PCDH11X: variants seen among roughly 807,000 people sequenced by gnomAD.
PCDH11X encodes protocadherin 11 X-linked, also known as protocadherin-11 X-linked.
A neutral mutation model predicts 53.3 loss-of-function variants in PCDH11X; 18 were observed. The observed-to-expected ratio is 0.34, with a 90% CI of 0.23 to 0.50. The LOEUF (loss-of-function observed/expected upper bound fraction) is 0.50, where lower values mean the gene tolerates loss of function less well. Ranked by LOEUF, PCDH11X falls within the 20% of genes least tolerant of loss-of-function variation. PCDH11X has a pLI of 0.98. For missense variants in PCDH11X, 570 were observed against 1,032.4 expected, an observed-to-expected ratio of 0.55 and a Z score of 6.14; for synonymous variants, 279 against 393.3, an observed-to-expected ratio of 0.71 and a Z score of 3.44.
intron 6 of PCDH11X, among the ~76,000 whole-genome samples, chrX:92,156,632 A>G (rs2065541138): frequency 8.9e-6 from 1 of 112,161 alleles, no homozygotes; most frequent in Non-Finnish European, 1.9e-5. Context: ...AGTAGAATGT[A>G]TGGCCTAGAA....
chrX:92,558,368 G>GCTCC (rs1451617137), intron 10 of PCDH11X, among the ~76,000 whole-genome samples: 2 of 111,498 alleles, frequency 1.8e-5, no homozygotes, highest in Non-Finnish European at 3.8e-5. Flanking sequence ...AAAGGCACAT[G>GCTCC]CTCATAGAAG....
chrX:91,986,298 G>T lies in PCDH11X; in HGVS notation c.3033+107025G>T, dbSNP rs905798105. ...AGTTTAGAGAAATAAAGTTAATAAA[G>T]ATTTAATTGAATTATAAATGTGCTA... is the stretch of plus-strand genomic sequence containing the variant. On this transcript the variant is annotated intron_variant, in intron 6 of 10. Coordinates refer to ENST00000682573, the MANE Select transcript of PCDH11X (RefSeq NM_032968.5). Among the ~76,000 whole-genome samples the T allele has an allele frequency of 3.6e-5, 4 of 111,617 alleles. No individual in the cohort carries two copies. In the Admixed American group the frequency reaches 3.8e-4, roughly 11 times the overall value.
chrX:92,576,011 T>TATATAC lies in PCDH11X; in HGVS notation c.3368-42252_3368-42251insTATACA, dbSNP rs1376237034. Among the ~76,000 whole-genome samples, 53 of 28,073 alleles carry TATATAC rather than the reference T, an allele frequency of 1.9e-3. 1 individual carries two copies. Among genetic ancestry groups the TATATAC allele is most frequent in the African/African-American group, 4.4e-3 (26 of 5,901 alleles). 24.4% of individuals were successfully genotyped at this position (28,073 alleles called of 115,157 possible). ...ATATATATATATATATATATATATA[T>TATATAC]ACACACACACACACACACACACACA... On this transcript the variant is annotated intron_variant, in intron 10 of 10. Coordinates refer to ENST00000682573, the MANE Select transcript of PCDH11X (RefSeq NM_032968.5).
intron 9 of PCDH11X, among the ~76,000 whole-genome samples, chrX:92,446,750 G>A (rs1014744841): frequency 5.4e-5 from 6 of 111,685 alleles, no homozygotes; most frequent in African/African-American, 1.3e-4. Context: ...AAAGATACCC[G>A]AAAATGTGGA....
At chrX:92,473,412 T>C (rs1461059810) in intron 10 of PCDH11X, among the ~76,000 whole-genome samples, 1 of 112,059 alleles carries the variant, frequency 8.9e-6, no homozygotes, top group Non-Finnish European at 1.9e-5. Context: ...TTTTATTTCA[T>C]TGATCTTTTG....
At chrX:92,590,062 G>C (rs1446206677) in intron 10 of PCDH11X, among the ~76,000 whole-genome samples, 1 of 107,420 alleles carries the variant, frequency 9.3e-6, no homozygotes, top group Admixed American at 1.0e-4. Context: ...GCTCCACCTG[G>C]ACCAACCAAC....
intron 6 of PCDH11X, among the ~76,000 whole-genome samples, chrX:91,972,467 T>C (rs1200549613): frequency 9.4e-6 from 1 of 106,025 alleles, no homozygotes; most frequent in Non-Finnish European, 1.9e-5. Context: ...ATCCCATTTG[T>C]CAATTTTGTC....
intron 6 of PCDH11X, among the ~76,000 whole-genome samples, chrX:92,066,739 C>T (rs1185546322): frequency 1.8e-5 from 2 of 112,188 alleles, no homozygotes; most frequent in African/African-American, 3.2e-5. Flanking sequence ...TATTCGGTGG[C>T]GTCTTTCGGT....
chrX:92,049,804 C>T (rs983393427), intron 6 of PCDH11X, among the ~76,000 whole-genome samples: 2 of 111,248 alleles, frequency 1.8e-5, no homozygotes, highest in Non-Finnish European at 3.8e-5. Flanking sequence ...CATGGAGTCT[C>T]GCTTTGCTGT....
intron 1 of PCDH11X, among the ~76,000 whole-genome samples, chrX:91,807,322 G>A (rs1185335548): frequency 1.8e-5 from 2 of 110,341 alleles, no homozygotes; most frequent in African/African-American, 6.6e-5. Flanking sequence ...TTCAACCGGG[G>A]TGACAAAGCG....
At chrX:91,888,469 A>G (rs1185527462) in intron 6 of PCDH11X, among the ~76,000 whole-genome samples, 1 of 110,979 alleles carries the variant, frequency 9.0e-6, no homozygotes, top group Non-Finnish European at 1.9e-5. Flanking sequence ...CCTGGGCAAC[A>G]TGGTTGAAAC....
chrX:92,148,760 T>TTATA (rs1172474643), intron 6 of PCDH11X, among the ~76,000 whole-genome samples: 45 of 106,459 alleles, frequency 4.2e-4, no homozygotes, highest in African/African-American at 1.6e-3. Context: ...ACTTATATGT[T>TTATA]TATATATATA....
intron 6 of PCDH11X, among the ~76,000 whole-genome samples, chrX:92,026,536 A>G (rs1189002905): frequency 9.2e-6 from 1 of 108,405 alleles, no homozygotes; most frequent in Non-Finnish European, 1.9e-5. Context: ...AGAGAAAATG[A>G]TAGGGGTTTC....
chrX:92,212,396 G>A (rs2148337904), intron 7 of PCDH11X, among the ~76,000 whole-genome samples: 1 of 111,059 alleles, frequency 9.0e-6, no homozygotes, highest in African/African-American at 3.3e-5. Flanking sequence ...TGGTGCGCAG[G>A]CTGGAGTGCA....
chrX:92,210,271 C>T (rs1408915924), intron 7 of PCDH11X, among the ~76,000 whole-genome samples: 1 of 74,271 alleles, frequency 1.3e-5, no homozygotes, highest in Non-Finnish European at 2.3e-5. Flanking sequence ...CAGAATCTCA[C>T]TCTGTCACCC....
chrX:92,547,666 T>A (rs761870623), intron 10 of PCDH11X, among the ~76,000 whole-genome samples: 8 of 111,492 alleles, frequency 7.2e-5, no homozygotes, highest in Admixed American at 1.9e-4. Flanking sequence ...AGGTAAACAT[T>A]TACCTTGAGA....
intron 9 of PCDH11X, among the ~76,000 whole-genome samples, chrX:92,413,272 C>A (rs1166857158): frequency 2.2e-5 from 1 of 45,025 alleles, no homozygotes; most frequent in Non-Finnish European, 3.8e-5. Flanking sequence ...ATTTTGGAAA[C>A]CTTCTATTGA....
At chrX:91,825,639 C>T (rs1014892069) in intron 4 of PCDH11X, among the ~76,000 whole-genome samples, 5 of 110,073 alleles carry the variant, frequency 4.5e-5, no homozygotes, top group Admixed American at 9.5e-5. Context: ...CTGTCTTCTG[C>T]GTCGCTCAGG....
intron 9 of PCDH11X, among the ~76,000 whole-genome samples, chrX:92,411,148 CA>C (rs1464645537): frequency 9.2e-6 from 1 of 108,167 alleles, no homozygotes; most frequent in African/African-American, 3.4e-5. Context: ...TTTTAAAATC[CA>C]AATATATTGC....
Sources: allele counts gnomAD v4.1 joint callset (sites outside exome capture counted in the v4.1 genomes callset), GRCh38; gene constraint gnomAD v4.1.1; transcripts MANE v1.5; gene names NCBI Gene and HGNC (gene_info 2026-07-23, HGNC 2026-07-21).